The following LARGE1 variants were observed in gnomAD, a reference collection of about 807,000 sequenced individuals.
The protein encoded by LARGE1 is xylosyl- and glucuronyltransferase LARGE1.
A neutral mutation model predicts 87.6 loss-of-function variants in LARGE1; 43 were observed. The ratio of observed to expected loss-of-function variants is 0.49; its 90% CI spans 0.38 to 0.63. The LOEUF is 0.63. LARGE1 is among the 30% of genes least tolerant of loss of function. The pLI is 0.00. For missense variants in LARGE1, 802 were observed against 1,000.2 expected, an observed-to-expected ratio of 0.80 and a Z score of 2.67; for synonymous variants, 434 against 394.6, an observed-to-expected ratio of 1.10 and a Z score of -1.18.
the LARGE1 span, among the ~76,000 whole-genome samples, chr22:33,071,864 A>G: frequency 2.0e-5 from 3 of 152,112 alleles, no homozygotes; most frequent in Non-Finnish European, 4.4e-5. Context: ...GCCTGCCGAG[A>G]TCAAGGCCCC....
intron 1 of LARGE1, among the ~76,000 whole-genome samples, chr22:33,866,742 C>T (rs939268319): frequency 3.9e-5 from 6 of 152,200 alleles, no homozygotes; most frequent in African/African-American, 1.2e-4. Flanking sequence ...TGGATTGCTG[C>T]GAGGATTAGA....
At chr22:33,640,941 A>G (rs904278938) in intron 3 of LARGE1, among the ~76,000 whole-genome samples, 4 of 152,180 alleles carry the variant, frequency 2.6e-5, no homozygotes, top group African/African-American at 7.2e-5. Context: ...TAAAACTCCC[A>G]TCTCCGTGAG....
chr22:33,887,385 G>C (rs1021441435), intron 1 of LARGE1, among the ~76,000 whole-genome samples: 6 of 152,142 alleles, frequency 3.9e-5, no homozygotes, highest in African/African-American at 9.7e-5. Flanking sequence ...GAATCTGCTG[G>C]TATCTTGATC....
At chr22:33,089,379 TTCTTCTTCC>T in the LARGE1 span, among the ~76,000 whole-genome samples, 13 of 132,636 alleles carry the variant, frequency 9.8e-5, no homozygotes, top group African/African-American at 2.8e-4. Context: ...CTCCTTCTTC[TTCTTCTTCC>T]TCTTCTTCTT....
intron 2 of LARGE1, among the ~76,000 whole-genome samples, chr22:33,651,389 CAAAAAAAAAAA>C (rs59002897): frequency 1.8e-5 from 1 of 54,356 alleles, no homozygotes; most frequent in African/African-American, 8.1e-5. Context: ...GACTCCGTCT[CAAAAAAAAAAA>C]AAAAAAAAAA....
chr22:33,076,240 C>T, the LARGE1 span, among the ~76,000 whole-genome samples: 1 of 152,190 alleles, frequency 6.6e-6, no homozygotes, highest in African/African-American at 2.4e-5. Context: ...GAGTACGTGA[C>T]TTCTTCCTTA....
At chr22:33,264,989 T>C (rs1927852511) in intron 11 of LARGE1, among the ~76,000 whole-genome samples, 1 of 146,458 alleles carries the variant, frequency 6.8e-6, no homozygotes, top group African/African-American at 2.5e-5. Context: ...CAACCTCTGC[T>C]TCCCAGGTTC....
intron 7 of LARGE1, among the ~76,000 whole-genome samples, chr22:33,409,405 T>A (rs1483958700): frequency 6.6e-6 from 1 of 152,148 alleles, no homozygotes; most frequent in African/African-American, 2.4e-5. Flanking sequence ...AATAAGCCAC[T>A]GATGGTACAT....
At chr22:33,737,052 G>T (rs563382921) in intron 2 of LARGE1, among the ~76,000 whole-genome samples, 1 of 152,210 alleles carries the variant, frequency 6.6e-6, no homozygotes, top group South Asian at 2.1e-4. Context: ...AGGTCAGAAG[G>T]GATCCTCCCC....
At chr22:33,338,241 C>T (rs1938714003) in intron 9 of LARGE1, among the ~76,000 whole-genome samples, 3 of 152,156 alleles carry the variant, frequency 2.0e-5, no homozygotes, top group African/African-American at 7.2e-5. Context: ...GCTTGCTCCT[C>T]CTGTTGCTTC....
At chr22:33,551,836 C>CA (rs1225721270) in intron 6 of LARGE1, among the ~76,000 whole-genome samples, 1 of 151,704 alleles carries the variant, frequency 6.6e-6, no homozygotes, top group Non-Finnish European at 1.5e-5. Flanking sequence ...ACTAAAAATA[C>CA]AAAAAAATTT....
chr22:33,398,671 T>C (rs942599849), intron 7 of LARGE1, among the ~76,000 whole-genome samples: 11 of 152,196 alleles, frequency 7.2e-5, no homozygotes, highest in African/African-American at 2.4e-4. Context: ...ATGTGACCCA[T>C]TTTTTGGAAA....
At chr22:33,885,923 G>T (rs1432909510) in intron 1 of LARGE1, among the ~76,000 whole-genome samples, 1 of 152,080 alleles carries the variant, frequency 6.6e-6, no homozygotes, top group Admixed American at 6.5e-5. Flanking sequence ...CCAGCTACTG[G>T]GGAGGCTAGG....
At chr22:33,344,052 G>C (rs1376001012) in intron 9 of LARGE1, among the ~76,000 whole-genome samples, 1 of 152,084 alleles carries the variant, frequency 6.6e-6, no homozygotes, top group African/African-American at 2.4e-5. Flanking sequence ...TTTTCTGCCT[G>C]CTTTATATTT....
At chr22:33,871,364 A>G (rs1161710822) in intron 1 of LARGE1, among the ~76,000 whole-genome samples, 1 of 152,192 alleles carries the variant, frequency 6.6e-6, no homozygotes, top group Non-Finnish European at 1.5e-5. Flanking sequence ...TAATGAGCAC[A>G]TATTGTGTGC....
rs535448464 is a variant in LARGE1, at chr22:33,721,970, G to A, written c.106+39401C>T. On this transcript the variant is annotated intron_variant, in intron 2 of 14. Transcript: ENST00000397394. ...TCCTTGGGTAAAAAATTACTTTGTT[G>A]GCTGAGCGCAGTGGCTCACGCCTGT... 5.9e-5 allele frequency among the ~76,000 whole-genome samples: 9 copies of A among 152,276 alleles called. No individual in the cohort carries two copies. The South Asian group carries it at 1.7e-3, about 28-fold the overall frequency.
the LARGE1 span, among the ~76,000 whole-genome samples, chr22:33,089,359 TCTTCTTCTTCTC>T: frequency 0.078 from 6,937 of 89,500 alleles, 247 homozygotes; most frequent in Middle Eastern, 0.18. Context: ...TTCTTCTTCT[TCTTCTTCTTCTC>T]CTTCTTCTTC....
At chr22:33,419,829 T>C (rs987817086) in intron 7 of LARGE1, among the ~76,000 whole-genome samples, 11 of 152,136 alleles carry the variant, frequency 7.2e-5, no homozygotes, top group African/African-American at 2.7e-4. Context: ...TAGCTGGGAT[T>C]ACAGGCGCCT....
chr22:33,897,576 G>A (rs2065177504), intron 1 of LARGE1, among the ~76,000 whole-genome samples: 1 of 152,196 alleles, frequency 6.6e-6, no homozygotes, highest in African/African-American at 2.4e-5. Flanking sequence ...CTCAGCCAGT[G>A]AAGGTGAAAT....
Sources: allele counts gnomAD v4.1 joint callset (sites outside exome capture counted in the v4.1 genomes callset), GRCh38; gene constraint gnomAD v4.1.1; transcripts MANE v1.5; gene names NCBI Gene and HGNC (gene_info 2026-07-23, HGNC 2026-07-21).